NBEA: variants seen among roughly 807,000 people sequenced by gnomAD.
The protein encoded by NBEA is lysosomal-trafficking regulator 2.
NBEA carries 44 observed loss-of-function variants against 343.4 expected under a neutral mutation model. The observed-to-expected ratio is 0.13, with a 90% CI of 0.10 to 0.16. NBEA has a LOEUF of 0.16. Ranked by LOEUF, NBEA falls within the 10% of genes least tolerant of loss-of-function variation. The pLI, the probability that NBEA is intolerant of heterozygous loss-of-function variation, is 1.00. For synonymous variants in NBEA, 1,175 were observed against 1,238.7 expected (o/e 0.95, Z 1.08); for missense variants, 2,555 against 3,631.3 (o/e 0.70, Z 7.62).
intron 41 of NBEA, among the ~76,000 whole-genome samples, chr13:35,491,302 G>A (rs191495770): frequency 3.9e-5 from 6 of 151,922 alleles, no homozygotes; most frequent in Admixed American, 6.6e-5. Context: ...AACAATACTC[G>A]CCAATATAAT....
chr13:35,158,962 T>G, intron 21 of NBEA, 54 bp from the exon 22 acceptor site: 1 of 1,407,242 alleles, frequency 7.1e-7, no homozygotes, highest in Non-Finnish European at 9.5e-7. Flanking sequence ...TTATTTAGTT[T>G]TTTCTTTTTG....
intron 16 of NBEA, among the ~76,000 whole-genome samples, chr13:35,119,657 C>T (rs1345596019): frequency 6.6e-6 from 1 of 152,168 alleles, no homozygotes; most frequent in Non-Finnish European, 1.5e-5. Context: ...GCAATCTCAG[C>T]TCACTGCAAG....
At chr13:35,278,858 A>G (rs1339198119) in intron 34 of NBEA, among the ~76,000 whole-genome samples, 1 of 152,024 alleles carries the variant, frequency 6.6e-6, no homozygotes, top group African/African-American at 2.4e-5. Flanking sequence ...CAACTTTCCC[A>G]TAACATGGAA....
chr13:35,584,059 A>T (rs1472624861), intron 46 of NBEA, 21 bp downstream of exon 46: 1 of 1,610,840 alleles, frequency 6.2e-7, no homozygotes, highest in Non-Finnish European at 8.5e-7. Context: ...TCATTGAGTT[A>T]GCTTGCCTTT....
chr13:35,632,015 G>A (rs1002863149), intron 49 of NBEA, among the ~76,000 whole-genome samples: 1 of 152,088 alleles, frequency 6.6e-6, no homozygotes, highest in Non-Finnish European at 1.5e-5. Flanking sequence ...TTCTTAATAT[G>A]TAAACACTAG....
intron 11 of NBEA, among the ~76,000 whole-genome samples, chr13:35,101,918 A>G (rs2065665688): frequency 6.6e-6 from 1 of 151,748 alleles, no homozygotes; most frequent in South Asian, 2.1e-4. Context: ...TAATTTTAAT[A>G]TAGGTTAAAA....
chr13:35,192,550 TG>T (rs2072279404), intron 30 of NBEA, among the ~76,000 whole-genome samples: 1 of 151,988 alleles, frequency 6.6e-6, no homozygotes, highest in African/African-American at 2.4e-5. Flanking sequence ...AAAATTGAGA[TG>T]TTTTTAGTAC....
At chr13:35,376,986 T>A (rs2041777329) in intron 38 of NBEA, among the ~76,000 whole-genome samples, 1 of 152,148 alleles carries the variant, frequency 6.6e-6, no homozygotes, top group Non-Finnish European at 1.5e-5. Context: ...TCTGTGGTGA[T>A]GAAAAGCCTA....
intron 18 of NBEA, among the ~76,000 whole-genome samples, chr13:35,143,844 C>T (rs1476412582): frequency 2.7e-5 from 4 of 150,602 alleles, no homozygotes; most frequent in South Asian, 2.1e-4. Flanking sequence ...GCTGAGATCG[C>T]GCCACTGCAC....
chr13:35,561,325 A>C (rs946874712), intron 44 of NBEA, among the ~76,000 whole-genome samples: 1 of 152,164 alleles, frequency 6.6e-6, no homozygotes, highest in Non-Finnish European at 1.5e-5. Flanking sequence ...GGATTCTTTA[A>C]ACGTCTTGGA....
At chr13:35,414,464 A>C (rs2043781353) in intron 38 of NBEA, among the ~76,000 whole-genome samples, 1 of 151,644 alleles carries the variant, frequency 6.6e-6, no homozygotes, top group African/African-American at 2.4e-5. Flanking sequence ...CCCACCTATG[A>C]GTGAGAACAT....
At chr13:35,366,155 G>A (rs2041097749) in intron 38 of NBEA, among the ~76,000 whole-genome samples, 1 of 151,454 alleles carries the variant, frequency 6.6e-6, no homozygotes, top group African/African-American at 2.4e-5. Flanking sequence ...TTAATCCTAC[G>A]ACCTTGACAT....
intron 40 of NBEA, among the ~76,000 whole-genome samples, chr13:35,468,329 A>G (rs1056684411): frequency 3.9e-5 from 6 of 152,186 alleles, no homozygotes; most frequent in African/African-American, 1.4e-4. Flanking sequence ...ATGATGTGAG[A>G]CAAAAAACAA....
intron 6 of NBEA, among the ~76,000 whole-genome samples, chr13:35,052,364 T>A (rs749400055): frequency 1.1e-4 from 17 of 152,026 alleles, no homozygotes; most frequent in Non-Finnish European, 2.1e-4. Context: ...TATAAACCAT[T>A]AGCATGTTAC....
intron 17 of NBEA, among the ~76,000 whole-genome samples, chr13:35,128,120 G>T (rs2067224415): frequency 6.6e-6 from 1 of 150,992 alleles, no homozygotes; most frequent in African/African-American, 2.4e-5. Flanking sequence ...GGCATTGGGA[G>T]ATACACCTAA....
chr13:35,318,966 A>G (rs1466493555), intron 36 of NBEA, among the ~76,000 whole-genome samples: 1 of 151,864 alleles, frequency 6.6e-6, no homozygotes, highest in Non-Finnish European at 1.5e-5. Context: ...ATCATTTTTT[A>G]CTGTGTCTAT....
At chr13:35,188,701 A>G (rs1163931576) in intron 30 of NBEA, among the ~76,000 whole-genome samples, 1 of 152,080 alleles carries the variant, frequency 6.6e-6, no homozygotes, top group Non-Finnish European at 1.5e-5. Flanking sequence ...TGGGGTGCAC[A>G]TACCTCTTTC....
At chr13:35,261,883 A>G (rs1335974204) in intron 34 of NBEA, among the ~76,000 whole-genome samples, 1 of 152,226 alleles carries the variant, frequency 6.6e-6, no homozygotes, top group Non-Finnish European at 1.5e-5. Flanking sequence ...TCAGCTAACC[A>G]TGAGCAGGAT....
chr13:35,083,432 A>C (rs1213921432), intron 10 of NBEA, among the ~76,000 whole-genome samples: 1 of 152,168 alleles, frequency 6.6e-6, no homozygotes, highest in Non-Finnish European at 1.5e-5. Flanking sequence ...TCTACAAGCC[A>C]GAAGAGAGTG....
Sources: gnomAD v4.1 joint callset for allele counts (sites outside exome capture counted in the v4.1 genomes callset) on GRCh38, gnomAD v4.1.1 for gene constraint, MANE v1.5 for transcripts, NCBI Gene and HGNC (gene_info 2026-07-23, HGNC 2026-07-21) for gene names.